The following CTNNA3 variants were observed in gnomAD, a reference collection of about 807,000 sequenced individuals.
CTNNA3 encodes the protein catenin alpha-3.
A neutral mutation model predicts 95.7 loss-of-function variants in CTNNA3; 76 were observed. The ratio of observed to expected loss-of-function variants is 0.79; its 90% CI spans 0.66 to 0.96. The LOEUF (loss-of-function observed/expected upper bound fraction) is 0.96. Ranked by LOEUF, CTNNA3 falls within the 40% of genes least tolerant of loss-of-function variation. The probability of loss-of-function intolerance (pLI) is 0.00; values close to 1 mark genes in which losing one functional copy is unlikely to be tolerated. For missense variants in CTNNA3, 1,191 were observed against 1,089.8 expected (o/e 1.09, Z -1.31); for synonymous variants, 431 against 374.4 (o/e 1.15, Z -1.74).
At chr10:66,877,472 G>A (rs1249452200) in intron 7 of CTNNA3, among the ~76,000 whole-genome samples, 6 of 152,116 alleles carry the variant, frequency 3.9e-5, no homozygotes, top group Non-Finnish European at 8.8e-5. Context: ...TTTCACCAAT[G>A]CCTGCTGCCT....
intron 5 of CTNNA3, among the ~76,000 whole-genome samples, chr10:67,506,438 G>C (rs1034695844): frequency 6.6e-6 from 1 of 152,044 alleles, no homozygotes; most frequent in Admixed American, 6.5e-5. Context: ...AAATAAGTAC[G>C]CCTTAAAAAA....
At position 66,904,993 on chromosome 10, in the gene CTNNA3, C is replaced by T. The variant is rs142923829; in HGVS notation, c.1048-129469G>A. Among the ~76,000 whole-genome samples the T allele has an allele frequency of 4.7e-3, 721 of 152,244 alleles. 2 individuals are homozygous for T. Among genetic ancestry groups the T allele is most frequent in the Non-Finnish European group, 7.5e-3 (507 of 68,020 alleles). On this transcript the variant is annotated intron_variant, in intron 7 of 17. Coordinates refer to ENST00000433211, the MANE Select transcript of CTNNA3 (RefSeq NM_013266.4). ...CCTCAAGGATCTAGAAGTAGAAATG[C>T]CATTTGACCCAGCCATCCCATTACT...
rs1840599379 is a variant in CTNNA3, at chr10:67,539,543, T to C, written c.419A>G (p.Asp140Gly). ...AAVTRLLILA[D>G]MIDVMCLLQH... ...CAAGAGGCACATGACATCAATCATGTCCGCAAGGATAAGGAGTCTCGTCAC... is the reference window on the plus strand; with the variant it reads ...CAAGAGGCACATGACATCAATCATGCCCGCAAGGATAAGGAGTCTCGTCAC... Residue 140 changes from aspartate to glycine, a missense_variant, in exon 4 of 18, where the codon GAC (aspartate) becomes GGC (glycine). Transcript: ENST00000433211. 6.2e-7 allele frequency: 1 copy of C among 1,613,626 alleles called. No individual in the cohort carries two copies. The highest frequency in any genetic ancestry group is 8.5e-7 in the Non-Finnish European group (1 of 1,179,790).
chr10:66,655,585 G>A lies in CTNNA3; in HGVS notation c.1282-33801C>T, dbSNP rs191141081. On this transcript the variant is annotated intron_variant, in intron 9 of 17. Coordinates refer to ENST00000433211, the MANE Select transcript of CTNNA3 (RefSeq NM_013266.4). Reference sequence around the variant, plus strand: ...GAAAGGAAGAAAACATGGAATGAATGCAGTATGATTAAAAGTCTGGTGATA... The same window carrying A: ...GAAAGGAAGAAAACATGGAATGAATACAGTATGATTAAAAGTCTGGTGATA... 7.2e-5 allele frequency among the ~76,000 whole-genome samples: 11 copies of A among 152,148 alleles called. No individual in the cohort carries two copies. The East Asian group carries it at 1.9e-3, about 27-fold the overall frequency.
At chr10:66,594,792 C>CTTAA (rs1843658221) in intron 10 of CTNNA3, among the ~76,000 whole-genome samples, 1 of 152,116 alleles carries the variant, frequency 6.6e-6, no homozygotes, top group Admixed American at 6.6e-5. Flanking sequence ...AAGTATGAAT[C>CTTAA]TTAACTCTTG....
rs533326957 is a variant in CTNNA3, at chr10:66,756,686, C to T, written c.1281+9578G>A. Among the ~76,000 whole-genome samples, 6 of 152,210 alleles carry T rather than the reference C, an allele frequency of 3.9e-5. No homozygotes were observed. The South Asian group carries it at 1.0e-3, about 26-fold the overall frequency. ...ATCTCCTCTGTGTTTCTCTAATCCA[C>T]TTCAATTCACCTCCTAATTCAAGAT... On this transcript the variant is annotated intron_variant, in intron 9 of 17. Transcript: ENST00000433211.
At chr10:67,234,542 C>G (rs955271323) in intron 5 of CTNNA3, among the ~76,000 whole-genome samples, 3 of 152,004 alleles carry the variant, frequency 2.0e-5, no homozygotes, top group African/African-American at 4.8e-5. Flanking sequence ...TATGACAAAC[C>G]CACAGCCAAT....
intron 8 of CTNNA3, among the ~76,000 whole-genome samples, chr10:66,772,230 C>T (rs1248054299): frequency 6.6e-6 from 1 of 152,056 alleles, no homozygotes; most frequent in African/African-American, 2.4e-5. Flanking sequence ...TCGAGACCAG[C>T]CTGGCCAACA....
intron 3 of CTNNA3, among the ~76,000 whole-genome samples, chr10:67,566,061 A>ATATATATATATATATATATATG (rs1184891307): frequency 2.7e-4 from 25 of 94,238 alleles, no homozygotes; most frequent in African/African-American, 9.6e-4. Context: ...ATATATATAT[A>ATATATATATATATATATATATG]TATATATATA....
At chr10:66,050,960 C>A (rs2079943610) in intron 15 of CTNNA3, among the ~76,000 whole-genome samples, 6 of 152,012 alleles carry the variant, frequency 3.9e-5, no homozygotes, top group Admixed American at 3.9e-4. Context: ...CTCAAGTGAT[C>A]CTCTCGCCTA....
At chr10:67,751,547 TAAA>T in intron 1 of CTNNA3, among the ~76,000 whole-genome samples, 1 of 146,562 alleles carries the variant, frequency 6.8e-6, no homozygotes, top group East Asian at 2.0e-4. Context: ...ATAATGATCG[TAAA>T]AAAAAAATAG....
intron 6 of CTNNA3, among the ~76,000 whole-genome samples, chr10:67,184,470 A>G (rs1465903937): frequency 2.6e-5 from 4 of 152,220 alleles, no homozygotes; most frequent in African/African-American, 7.2e-5. Flanking sequence ...AACATTTTTG[A>G]CACTCATCAA....
At chr10:67,717,639 A>G (rs980481309) in intron 1 of CTNNA3, among the ~76,000 whole-genome samples, 1 of 151,888 alleles carries the variant, frequency 6.6e-6, no homozygotes, top group Non-Finnish European at 1.5e-5. Context: ...GATTTGTGGC[A>G]TTATTTCTGA....
chr10:66,838,370 T>C (rs1464830709), intron 7 of CTNNA3, among the ~76,000 whole-genome samples: 1 of 152,150 alleles, frequency 6.6e-6, no homozygotes, highest in East Asian at 1.9e-4. Flanking sequence ...TAATAAATGT[T>C]ATCTATTATT....
At chr10:67,569,823 T>C (rs1451284121) in intron 3 of CTNNA3, among the ~76,000 whole-genome samples, 1 of 152,130 alleles carries the variant, frequency 6.6e-6, no homozygotes, top group Non-Finnish European at 1.5e-5. Context: ...AGAAGTGGTG[T>C]TCCTTTTTGC....
At chr10:67,242,876 A>C (rs1865768657) in intron 5 of CTNNA3, among the ~76,000 whole-genome samples, 1 of 152,254 alleles carries the variant, frequency 6.6e-6, no homozygotes, top group South Asian at 2.1e-4. Flanking sequence ...GATTTCAGGC[A>C]GAATAATTAA....
chr10:66,208,889 A>C (rs1475131069), intron 13 of CTNNA3, among the ~76,000 whole-genome samples: 1 of 152,100 alleles, frequency 6.6e-6, no homozygotes, highest in Non-Finnish European at 1.5e-5. Context: ...ACTGGAGTGG[A>C]TAGCTTTAGT....
intron 5 of CTNNA3, among the ~76,000 whole-genome samples, chr10:67,445,408 C>T (rs1037587856): frequency 2.6e-5 from 4 of 151,074 alleles, no homozygotes; most frequent in African/African-American, 9.8e-5. Flanking sequence ...AAAAAAAAGA[C>T]CTGTTGATCT....
chr10:66,912,078 T>TA (rs1395217798), intron 7 of CTNNA3, among the ~76,000 whole-genome samples: 3 of 152,218 alleles, frequency 2.0e-5, no homozygotes, highest in African/African-American at 7.2e-5. Flanking sequence ...ACATTACTAT[T>TA]ACCAGATTTT....
Sources: allele counts gnomAD v4.1 joint callset (sites outside exome capture counted in the v4.1 genomes callset), GRCh38; gene constraint gnomAD v4.1.1; transcripts MANE v1.5; gene names NCBI Gene and HGNC (gene_info 2026-07-23, HGNC 2026-07-21).